MEGF8: variants seen among roughly 807,000 people sequenced by gnomAD.
MEGF8 encodes multiple EGF like domains 8.
MEGF8 carries 156 observed loss-of-function variants against 302.9 expected under a neutral mutation model. The observed-to-expected ratio is 0.52, with a 90% CI of 0.45 to 0.59. The LOEUF (loss-of-function observed/expected upper bound fraction) is 0.59, where lower values mean the gene tolerates loss of function less well. Among genes scored for constraint, MEGF8 ranks in the 20% least tolerant of loss-of-function variants. The pLI, the probability that MEGF8 is intolerant of heterozygous loss-of-function variation, is 0.00. For synonymous variants in MEGF8, 1,621 were observed against 1,660.5 expected (o/e 0.98, Z 0.58); for missense variants, 3,345 against 3,964.5 (o/e 0.84, Z 4.20).
chr19:42,353,390 T>C lies in MEGF8; in HGVS notation c.3551-75T>C. 1 of 1,507,448 alleles carries C rather than the reference T, an allele frequency of 6.6e-7. No homozygotes were observed. Among genetic ancestry groups the C allele is most frequent in the East Asian group, 2.4e-5 (1 of 41,554 alleles). The allele number at this position is 1,507,448 out of a possible 1,614,324, so 93.4% of individuals were successfully genotyped here. Reference sequence around the variant, plus strand: ...TTGAAGCGGCTGGGTGGGGTCAGGGTTTAGCTGAGCCAGTAGGCCTGGGCC... The same window carrying C: ...TTGAAGCGGCTGGGTGGGGTCAGGGCTTAGCTGAGCCAGTAGGCCTGGGCC... On this transcript the variant is annotated intron_variant, in intron 20 of 41. Coordinates refer to ENST00000251268, the MANE Select transcript of MEGF8 (RefSeq NM_001271938.2). The surrounding 1 kb of genome is among the most constrained non-coding windows in gnomAD (Gnocchi z 6.1).
At chr19:42,360,519 A>G (rs2039516455) in intron 31 of MEGF8, among the ~76,000 whole-genome samples, 1 of 151,116 alleles carries the variant, frequency 6.6e-6, no homozygotes, top group Non-Finnish European at 1.5e-5. Flanking sequence ...CTAATTTTTT[A>G]TTGTTTGTAG....
At position 42,358,556 on chromosome 19, in the gene MEGF8, C is replaced by T. The variant is rs1046052244; in HGVS notation, c.5176-231C>T. 6.6e-6 allele frequency among the ~76,000 whole-genome samples: 1 copy of T among 152,208 alleles called. No homozygotes were observed. Among genetic ancestry groups the T allele is most frequent in the Non-Finnish European group, 1.5e-5 (1 of 68,032 alleles). On this transcript the variant is annotated intron_variant, in intron 29 of 41. Transcript: ENST00000251268. This position sits in a 1 kb window ranked among gnomAD's most constrained non-coding sequence, Gnocchi z 4.4. ...GAGTCTTGGTGCGGCCCTGGCAGGC[C>T]CCTTCCCCGTCCTGGGTTTTTCCAC...
intron 31 of MEGF8, 77 bp downstream of exon 31, chr19:42,359,319 C>G (rs2039499050): frequency 5.1e-6 from 7 of 1,363,898 alleles, no homozygotes; most frequent in Non-Finnish European, 6.7e-6. Context: ...GACTCCCACT[C>G]CTTAGGAGTC....
At chr19:42,372,747 G>A (rs1048701110) in intron 41 of MEGF8, among the ~76,000 whole-genome samples, 4 of 150,568 alleles carry the variant, frequency 2.7e-5, no homozygotes, top group African/African-American at 4.9e-5. Context: ...ATCTTTGCTC[G>A]AGGCAGCCTC....
Position 42,353,539 on chromosome 19 carries a change from C to T in MEGF8, c.3625C>T (p.Arg1209Trp), listed in dbSNP as rs372257661. 3.5e-4 allele frequency: 558 copies of T among 1,606,350 alleles called. 3 individuals are homozygous for T. The East Asian group carries it at 6.5e-3, about 19-fold the overall frequency. Residue 1209 changes from arginine (R) to tryptophan (W), a missense_variant, in exon 21 of 42, where the codon CGG becomes TGG. By Grantham distance (101) the Arg-to-Trp change is moderately radical. Transcript: ENST00000251268. The surrounding 1 kb of genome is among the most constrained non-coding windows in gnomAD (Gnocchi z 6.1). ...FGNATGSRGC[R>W]PCQCNGHGDP... is the part of the protein sequence containing the mutation. ...CAACGCCACAGGCTCTAGGGGCTGCCGGCCCTGCCAGTGCAACGGGCACGG... is the reference window on the plus strand; with the variant it reads ...CAACGCCACAGGCTCTAGGGGCTGCTGGCCCTGCCAGTGCAACGGGCACGG...
rs1425609081 is a variant in MEGF8 at position 42,376,503 on chromosome 19, A to G, written c.8266A>G (p.Ile2756Val). 1 of 1,576,310 alleles carries G rather than the reference A, an allele frequency of 6.3e-7. No homozygotes were observed. Among genetic ancestry groups the G allele is most frequent in the Admixed American group, 1.8e-5 (1 of 54,276 alleles). Residue 2756 changes from isoleucine (I) to valine (V), a missense_variant, in exon 42 of 42, where the codon ATC becomes GTC. Coordinates refer to ENST00000251268, the MANE Select transcript of MEGF8 (RefSeq NM_001271938.2). The surrounding 1 kb of genome is among the most constrained non-coding windows in gnomAD (Gnocchi z 8.2). ...PMGGGCCPPA[I>V]PATTAGLRAG... ...GGGAGGGGGCTGCTGCCCACCAGCC[A>G]TCCCCGCCACCACTGCTGGGCTGCG...
At position 42,363,076 on chromosome 19, in the gene MEGF8, G is replaced by A. The variant is rs2039556917; in HGVS notation, c.6087G>A (p.Gln2029=). 1 of 1,613,284 alleles carries A rather than the reference G, an allele frequency of 6.2e-7. No individual in the cohort carries two copies. Among genetic ancestry groups the A allele is most frequent in the Non-Finnish European group, 8.5e-7 (1 of 1,179,604 alleles). ...TGETRRILSV[Q]PTYDWTCFSH... ...AGACCCGCCGCATCCTCTCCGTGCA[G>A]CCCACCTATGACTGGACGTGCTTCA... Residue 2029 remains glutamine, a synonymous_variant, in exon 35 of 42, where the codon CAG becomes CAA. Coordinates refer to ENST00000251268, the MANE Select transcript of MEGF8 (RefSeq NM_001271938.2).
chr19:42,352,735 G>A lies in MEGF8; in HGVS notation c.3351-193G>A. ...CCTAGTTGAAAGAGGTTTTCACAGT[G>A]GTGCTATGTGGTTGCTATAGAGACA... On this transcript the variant is annotated intron_variant, in intron 19 of 41. Coordinates refer to ENST00000251268, the MANE Select transcript of MEGF8 (RefSeq NM_001271938.2). The surrounding 1 kb of genome is among the most constrained non-coding windows in gnomAD (Gnocchi z 4.4). 3.2e-6 allele frequency: 2 copies of A among 632,064 alleles called. No homozygotes were observed. Among genetic ancestry groups the A allele is most frequent in the Non-Finnish European group, 5.5e-6 (2 of 364,812 alleles). The allele number at this position is 632,064 out of a possible 1,614,324, so 39.2% of individuals were successfully genotyped here.
At chr19:42,364,840 G>T (rs1189600123) in intron 35 of MEGF8, among the ~76,000 whole-genome samples, 1 of 152,202 alleles carries the variant, frequency 6.6e-6, no homozygotes, top group Non-Finnish European at 1.5e-5. Flanking sequence ...CCCTAGGGAG[G>T]TTGTACCAGT....
At position 42,376,205 on chromosome 19, in the gene MEGF8, C is replaced by T. The variant is rs532443309; in HGVS notation, c.7968C>T (p.Phe2656=). The part of the protein sequence containing the change: ...IDLFVFFSVF[F]SCFFLFLSLC... ...TGTTTGTCTTCTTCTCCGTCTTCTT[C>T]TCCTGCTTCTTCCTCTTCCTCTCAC... Residue 2656 remains phenylalanine (F), a synonymous_variant, in exon 42 of 42, where the codon TTC becomes TTT. Transcript: ENST00000251268. This position sits in a 1 kb window ranked among gnomAD's most constrained non-coding sequence, Gnocchi z 8.2. The T allele has an allele frequency of 2.5e-6, 4 of 1,604,756 alleles. No homozygotes were observed. The highest frequency in any genetic ancestry group is 4.5e-5 in the East Asian group (2 of 44,316).
In MEGF8 at chr19:42,375,857, T is replaced by G; in HGVS notation, c.7620T>G (p.Asp2540Glu). Residue 2540 changes from aspartate to glutamate, a missense_variant, in exon 42 of 42, where the codon GAT becomes GAG. By Grantham distance (45) the Asp-to-Glu change is conservative. Transcript: ENST00000251268. The surrounding 1 kb of genome is among the most constrained non-coding windows in gnomAD (Gnocchi z 7.1). The part of the protein sequence containing the change: ...PAPPPPPPPA[D>E]GGPRGAGDPG... ...CACCACCTCCACCACCCCCTGCAGA[T>G]GGTGGGCCCCGGGGGGCTGGGGATC... is the stretch of plus-strand genomic sequence containing the variant. The G allele has an allele frequency of 6.2e-7, 1 of 1,607,934 alleles. No homozygotes were observed. The highest frequency in any genetic ancestry group is 1.3e-5 in the African/African-American group (1 of 74,738).
At position 42,350,194 on chromosome 19, in the gene MEGF8, C is replaced by T. The variant is rs745915167; in HGVS notation, c.2546C>T (p.Thr849Ile). ...FLEPYRSSSC[T>I]SYSSCLGCLA... The stretch of plus-strand genomic sequence containing the variant: ...GAGCCCTACCGCTCGTCGTCCTGCA[C>T]CTCCTATTCTTCCTGCCTGGGCTGC... Residue 849 changes from threonine (T) to isoleucine (I), a missense_variant, in exon 15 of 42, where the codon ACC becomes ATC. Coordinates refer to ENST00000251268, the MANE Select transcript of MEGF8 (RefSeq NM_001271938.2). 6.2e-7 allele frequency: 1 copy of T among 1,613,822 alleles called. No homozygotes were observed. The highest frequency in any genetic ancestry group is 2.2e-5 in the East Asian group (1 of 44,880).
At position 42,362,106 on chromosome 19, in the gene MEGF8, TCCCCCTGCTC is replaced by T; in HGVS notation, c.5741_5750del (p.Pro1914GlnfsTer126). The T allele has an allele frequency of 6.2e-7, 1 of 1,611,904 alleles. No individual in the cohort carries two copies. Among genetic ancestry groups the T allele is most frequent in the African/African-American group, 1.3e-5 (1 of 74,914 alleles). On this transcript the variant is annotated frameshift_variant, in exon 33 of 42. Coordinates refer to ENST00000251268, the MANE Select transcript of MEGF8 (RefSeq NM_001271938.2). LOFTEE classifies it high-confidence loss of function. ...GTCCTTTAGGCTGGGCTGCGGGGGC[TCCCCCTGCTC>T]CCCAATGCCTCGCTCCCCGGAGGAA...
Position 42,353,161 on chromosome 19 carries a change from C to A in MEGF8, c.3550+34C>A. On this transcript the variant is annotated intron_variant, in intron 20 of 41. Coordinates refer to ENST00000251268, the MANE Select transcript of MEGF8 (RefSeq NM_001271938.2). This position sits in a 1 kb window ranked among gnomAD's most constrained non-coding sequence, Gnocchi z 6.1. Reference sequence around the variant, plus strand: ...CCCTTGTCCTGGGCCCAGCCTGGACCCAGGGAGCCTCCTCCCTTCTTGGGG... The same window carrying A: ...CCCTTGTCCTGGGCCCAGCCTGGACACAGGGAGCCTCCTCCCTTCTTGGGG... The A allele has an allele frequency of 6.7e-7, 1 of 1,500,914 alleles. No individual in the cohort carries two copies. The highest frequency in any genetic ancestry group is 1.3e-5 in the South Asian group (1 of 79,358). The allele number at this position is 1,500,914 out of a possible 1,614,324, so 93.0% of individuals were successfully genotyped here. A position where few individuals can be genotyped will look rare whatever the true frequency, so the allele number is the denominator to read the frequency against.
intron 1 of MEGF8, among the ~76,000 whole-genome samples, chr19:42,328,472 A>G (rs751934159): frequency 2.0e-5 from 3 of 151,966 alleles, no homozygotes; most frequent in African/African-American, 4.8e-5. Context: ...TGTGTGGGGT[A>G]TGGATGAAGG....
intron 1 of MEGF8, among the ~76,000 whole-genome samples, chr19:42,327,175 A>G (rs1156693907): frequency 6.6e-6 from 1 of 152,226 alleles, no homozygotes; most frequent in African/African-American, 2.4e-5. Context: ...TGTTCAATAA[A>G]TGGCATTAGG....
chr19:42,340,704 G>A (rs1240644587), intron 8 of MEGF8, among the ~76,000 whole-genome samples: 1 of 151,916 alleles, frequency 6.6e-6, no homozygotes, highest in Non-Finnish European at 1.5e-5. Flanking sequence ...GTCTTGCTCT[G>A]TCACCCAGGC....
chr19:42,331,115 C>T (rs1320216987), intron 1 of MEGF8, among the ~76,000 whole-genome samples: 1 of 152,186 alleles, frequency 6.6e-6, no homozygotes, highest in Non-Finnish European at 1.5e-5. Context: ...TGAGGCCGGG[C>T]AGCCAGGGCA....
Position 42,344,155 on chromosome 19 carries a change from G to C in MEGF8, c.1788+82G>C. ...TCCCTCTGCCTAACCAGATGGACAA[G>C]AACTTTCCCTCAACTGGGAGACTTG... On this transcript the variant is annotated intron_variant, in intron 10 of 41. Transcript: ENST00000251268. This position sits in a 1 kb window ranked among gnomAD's most constrained non-coding sequence, Gnocchi z 4.5. 6.6e-7 allele frequency: 1 copy of C among 1,508,196 alleles called. No individual in the cohort carries two copies. Among genetic ancestry groups the C allele is most frequent in the Non-Finnish European group, 8.9e-7 (1 of 1,126,172 alleles). The allele number at this position is 1,508,196 out of a possible 1,614,324, so 93.4% of individuals were successfully genotyped here.
Sources: allele counts gnomAD v4.1 joint callset (sites outside exome capture counted in the v4.1 genomes callset), GRCh38; gene constraint gnomAD v4.1.1; non-coding constraint Gnocchi (gnomAD v3.1); transcripts MANE v1.5; gene names NCBI Gene and HGNC (gene_info 2026-07-23, HGNC 2026-07-21).